The following DOK6 variants were observed in gnomAD, a reference collection of about 807,000 sequenced individuals.
DOK6 encodes the protein downstream of tyrosine kinase 6.
A neutral mutation model predicts 44.0 loss-of-function variants in DOK6; 22 were observed. That is an observed-to-expected ratio of 0.50 (90% CI 0.36 to 0.71). The LOEUF (loss-of-function observed/expected upper bound fraction) is 0.71. Ranked by LOEUF, DOK6 falls within the 30% of genes least tolerant of loss-of-function variation. The pLI, the probability that DOK6 is intolerant of heterozygous loss-of-function variation, is 0.00. For missense variants in DOK6, 340 were observed against 416.4 expected, an observed-to-expected ratio of 0.82 and a Z score of 1.60; for synonymous variants, 166 against 145.5, an observed-to-expected ratio of 1.14 and a Z score of -1.01.
intron 7 of DOK6, among the ~76,000 whole-genome samples, chr18:69,772,363 A>G (rs530280492): frequency 3.3e-5 from 5 of 152,188 alleles, no homozygotes; most frequent in Admixed American, 2.6e-4. Context: ...GGAAACAATT[A>G]GCAAATTCAT....
intron 1 of DOK6, among the ~76,000 whole-genome samples, chr18:69,563,561 A>G (rs1268161145): frequency 6.7e-6 from 1 of 149,730 alleles, no homozygotes; most frequent in Non-Finnish European, 1.5e-5. Flanking sequence ...ACAAAAAATC[A>G]AACACCGCAT....
intron 7 of DOK6, among the ~76,000 whole-genome samples, chr18:69,782,670 A>G (rs1980312685): frequency 6.6e-6 from 1 of 152,102 alleles, no homozygotes; most frequent in African/African-American, 2.4e-5. Context: ...AGGCTGAGGC[A>G]GGAGAATCGC....
chr18:69,438,757 T>A (rs752067590), intron 1 of DOK6, among the ~76,000 whole-genome samples: 6 of 152,124 alleles, frequency 3.9e-5, no homozygotes, highest in Admixed American at 6.6e-5. Context: ...GCAGAATGGA[T>A]GTTGTGTTAG....
rs118117820 is a variant in DOK6, at chr18:69,623,831, C to A, written c.289+24333C>A. Among the ~76,000 whole-genome samples, 1,302 of 152,258 alleles carry A rather than the reference C, an allele frequency of 8.6e-3. 8 individuals are homozygous for A. Among genetic ancestry groups the A allele is most frequent in the Middle Eastern group, 0.048 (14 of 294 alleles). The stretch of plus-strand genomic sequence containing the variant: ...GTTATAATGACATAATTAGTAAGTG[C>A]TAGAGTCAGGATGTGAATTGAGGGA... On this transcript the variant is annotated intron_variant, in intron 3 of 7. Coordinates refer to ENST00000382713, the MANE Select transcript of DOK6 (RefSeq NM_152721.6).
intron 1 of DOK6, among the ~76,000 whole-genome samples, chr18:69,553,042 T>G (rs924544730): frequency 1.3e-5 from 2 of 152,248 alleles, no homozygotes; most frequent in African/African-American, 2.4e-5. Flanking sequence ...CAAAAAGAGA[T>G]AGAAATTAAG....
intron 7 of DOK6, chr18:69,832,531 C>A (rs1166783712): frequency 6.6e-6 from 1 of 151,920 alleles, no homozygotes; most frequent in African/African-American, 2.4e-5. Context: ...CAGAGTCATA[C>A]TTGCCTCATA....
intron 1 of DOK6, among the ~76,000 whole-genome samples, chr18:69,409,224 C>T (rs1047169980): frequency 6.6e-6 from 1 of 152,298 alleles, no homozygotes; most frequent in East Asian, 1.9e-4. Context: ...TGAGGCCTCC[C>T]TAGCCATGCA....
intron 1 of DOK6, among the ~76,000 whole-genome samples, chr18:69,555,635 G>T (rs1369712471): frequency 6.6e-6 from 1 of 151,934 alleles, no homozygotes; most frequent in Non-Finnish European, 1.5e-5. Flanking sequence ...TCTTCTAATT[G>T]GTCTTGGCAT....
chr18:69,617,410 TAGG>T (rs1200469652), intron 3 of DOK6, among the ~76,000 whole-genome samples: 1 of 124,362 alleles, frequency 8.0e-6, no homozygotes, highest in Non-Finnish European at 1.7e-5. Context: ...GACTGAGCGA[TAGG>T]AGAAAAGAAA....
At chr18:69,822,821 A>T (rs908349751) in intron 7 of DOK6, among the ~76,000 whole-genome samples, 1 of 152,234 alleles carries the variant, frequency 6.6e-6, no homozygotes, top group Non-Finnish European at 1.5e-5. Context: ...TTAAATTGTT[A>T]TACTTGTTGG....
chr18:69,407,274 T>C (rs1207662210), intron 1 of DOK6, among the ~76,000 whole-genome samples: 1 of 152,226 alleles, frequency 6.6e-6, no homozygotes, highest in Non-Finnish European at 1.5e-5. Flanking sequence ...ATAAAAGGTA[T>C]GCAATACAAA....
At chr18:69,468,713 T>C (rs1481962849) in intron 1 of DOK6, among the ~76,000 whole-genome samples, 3 of 151,830 alleles carry the variant, frequency 2.0e-5, no homozygotes, top group Non-Finnish European at 2.9e-5. Flanking sequence ...TCATAAGATA[T>C]ATACAATGTA....
chr18:69,592,250 A>T (rs76824785), intron 2 of DOK6, among the ~76,000 whole-genome samples: 122 of 69,202 alleles, frequency 1.8e-3, no homozygotes, highest in South Asian at 7.8e-3. Flanking sequence ...TTTTTTTTTT[A>T]AACTTACCCT....
intron 3 of DOK6, among the ~76,000 whole-genome samples, chr18:69,610,009 A>G (rs1209208974): frequency 2.0e-5 from 3 of 152,228 alleles, no homozygotes; most frequent in African/African-American, 7.2e-5. Context: ...AGTAGTTACC[A>G]GAAGGTAGGG....
At chr18:69,509,551 T>G (rs1012093800) in intron 1 of DOK6, among the ~76,000 whole-genome samples, 1 of 139,204 alleles carries the variant, frequency 7.2e-6, no homozygotes, top group Non-Finnish European at 1.5e-5. Context: ...GGCAGGAGAA[T>G]GGCGTGAACC....
At chr18:69,525,505 G>A (rs565028508) in intron 1 of DOK6, among the ~76,000 whole-genome samples, 1 of 152,072 alleles carries the variant, frequency 6.6e-6, no homozygotes, top group East Asian at 1.9e-4. Context: ...AAAGATGAAT[G>A]AGTAATTATT....
intron 7 of DOK6, among the ~76,000 whole-genome samples, chr18:69,790,406 A>G (rs1980559948): frequency 6.6e-6 from 1 of 152,296 alleles, no homozygotes; most frequent in South Asian, 2.1e-4. Flanking sequence ...GGTTCTGCAC[A>G]TGTATCCCAG....
chr18:69,528,466 A>C (rs1042443955), intron 1 of DOK6, among the ~76,000 whole-genome samples: 3 of 152,198 alleles, frequency 2.0e-5, no homozygotes, highest in African/African-American at 7.2e-5. Context: ...AGGGTGAATT[A>C]GTGCAGGGAG....
intron 1 of DOK6, among the ~76,000 whole-genome samples, chr18:69,452,465 C>T (rs969665984): frequency 1.6e-5 from 2 of 127,460 alleles, no homozygotes; most frequent in African/African-American, 3.1e-5. Flanking sequence ...AATTCACAGC[C>T]GAATTCTACC....
Sources: allele counts gnomAD v4.1 joint callset (sites outside exome capture counted in the v4.1 genomes callset), GRCh38; gene constraint gnomAD v4.1.1; transcripts MANE v1.5; gene names NCBI Gene and HGNC (gene_info 2026-07-23, HGNC 2026-07-21).